The following OSGEP variants were observed in gnomAD, a reference collection of about 807,000 sequenced individuals.
OSGEP encodes the protein O-sialoglycoprotein endopeptidase.
In OSGEP, 39 loss-of-function variants were observed where a neutral mutation model predicts 44.1. That is an observed-to-expected ratio of 0.88 (90% CI 0.69 to 1.16). The LOEUF (loss-of-function observed/expected upper bound fraction) is 1.16. Ranked by LOEUF, OSGEP falls within the 50% of genes most tolerant of loss-of-function variation. The probability of loss-of-function intolerance (pLI) is 0.00; values close to 1 mark genes in which losing one functional copy is unlikely to be tolerated. For synonymous variants in OSGEP, 139 were observed against 161.9 expected, an observed-to-expected ratio of 0.86 and a Z score of 1.07; for missense variants, 403 against 443.1, an observed-to-expected ratio of 0.91 and a Z score of 0.81.
At chr14:20,447,789 G>A in intron 8 of OSGEP, 99 bp from the exon 9 acceptor site, 2 of 1,226,830 alleles carry the variant, frequency 1.6e-6, no homozygotes, top group Non-Finnish European at 2.4e-6. Context: ...ATGACATAGG[G>A]GATTAGGGGC....
intron 1 of OSGEP, 55 bp downstream of exon 1, chr14:20,454,514 G>A: frequency 8.5e-7 from 1 of 1,175,144 alleles, no homozygotes; most frequent in Non-Finnish European, 1.3e-6. Context: ...AAGATGGAAG[G>A]CTGATTCTGT....
chr14:20,452,706 A>G (rs947700395), intron 1 of OSGEP, among the ~76,000 whole-genome samples: 35 of 131,306 alleles, frequency 2.7e-4, no homozygotes, highest in African/African-American at 9.4e-4. Flanking sequence ...CCCTTTCGTG[A>G]TCTTTTTTTT....
Position 20,452,430 on chromosome 14 carries a change from G to A in OSGEP, c.134C>T (p.Thr45Ile). Reference protein sequence around the residue: ...PPGTGFLPGDTARHHRAVILD... With the variant: ...PPGTGFLPGDIARHHRAVILD... ...GATAACAGCTCGGTGATGCCTGGCT[G>A]TATCACCTGGAAGGAATCCTAGAAA... Residue 45 changes from threonine (T) to isoleucine (I), a missense_variant, in exon 2 of 11, where the codon ACA (threonine) becomes ATA (isoleucine). Transcript: ENST00000206542. 1 of 1,613,662 alleles carries A rather than the reference G, an allele frequency of 6.2e-7. No individual in the cohort carries two copies. Among genetic ancestry groups the A allele is most frequent in the Non-Finnish European group, 8.5e-7 (1 of 1,179,670 alleles).
chr14:20,450,314 T>C (rs984917148), intron 3 of OSGEP: 9 of 152,252 alleles, frequency 5.9e-5, no homozygotes, highest in African/African-American at 2.2e-4. Flanking sequence ...CCTACGAACC[T>C]TAAGAAGTCC....
At position 20,449,325 on chromosome 14, in the gene OSGEP, T is replaced by C. The variant is rs1881037290; in HGVS notation, c.412-59A>G. ...GTCTGTAAAGAGGATTATTTGGCTTTGGGAGAAAAACATAGCAGAGGATCA... is the reference window on the plus strand; with the variant it reads ...GTCTGTAAAGAGGATTATTTGGCTTCGGGAGAAAAACATAGCAGAGGATCA... On this transcript the variant is annotated intron_variant, in intron 3 of 10. Transcript: ENST00000206542. 9.3e-6 allele frequency: 10 copies of C among 1,078,836 alleles called. No homozygotes were observed. In the South Asian group the frequency reaches 1.3e-4, roughly 14 times the overall value. 66.8% of individuals were successfully genotyped at this position (1,078,836 alleles called of 1,614,324 possible). A position where few individuals can be genotyped will look rare whatever the true frequency, so the allele number is the denominator to read the frequency against.
At position 20,447,442 on chromosome 14, in the gene OSGEP, A is replaced by T; in HGVS notation, c.948T>A (p.Ser316Arg). The T allele has an allele frequency of 6.2e-7, 1 of 1,613,764 alleles. No individual in the cohort carries two copies. Residue 316 changes from serine to arginine, a missense_variant, in exon 10 of 11, where the codon AGT becomes AGA. Transcript: ENST00000206542. The part of the protein sequence containing the change: ...MFRAGHRTPL[S>R]DSGVTQRYRT... The stretch of plus-strand genomic sequence containing the variant: ...CTCACCTCTGTGTAACCCCAGAATC[A>T]CTGAGTGGGGTCCTGTGTCCAGCCC...
At position 20,448,011 on chromosome 14, in the gene OSGEP, A is replaced by T. The variant is rs1324960774; in HGVS notation, c.703-17T>A. ...CACAGTTTCCTGTCAGGGACAGATA[A>T]GGAGAAAATATTAGAGGGGCATCCC... On this transcript the variant is annotated splice_polypyrimidine_tract_variant and intron_variant, in intron 7 of 10. Transcript: ENST00000206542. 6.2e-7 allele frequency: 1 copy of T among 1,607,746 alleles called. No homozygotes were observed. The highest frequency in any genetic ancestry group is 2.2e-5 in the East Asian group (1 of 44,876).
chr14:20,451,148 T>A (rs1343526004), intron 3 of OSGEP: 1 of 155,092 alleles, frequency 6.4e-6, no homozygotes, highest in Non-Finnish European at 1.4e-5. Context: ...ATAAAATACC[T>A]TCTATAATTT....
chr14:20,453,106 GC>G (rs768350610), intron 1 of OSGEP, among the ~76,000 whole-genome samples: 9 of 152,180 alleles, frequency 5.9e-5, no homozygotes, highest in Non-Finnish European at 1.2e-4. Flanking sequence ...TCTGTGGTTT[GC>G]TCAGCTTAAT....
chr14:20,454,812 TGGGA>T (rs1881231012), upstream of OSGEP: 3 of 665,630 alleles, frequency 4.5e-6, no homozygotes, highest in Non-Finnish European at 5.2e-6. Context: ...CAGATAGCAC[TGGGA>T]AAGACACCGC....
rs553601096 is a variant in OSGEP, at chr14:20,454,406, T to C, written c.115+163A>G. On this transcript the variant is annotated intron_variant, in intron 1 of 10. Coordinates refer to ENST00000206542, the MANE Select transcript of OSGEP (RefSeq NM_017807.4). ...TGAACTCATCAGATCCACGTCCAAG[T>C]GCCTGTAACTCTTCTAGTCATCAGC... 5.4e-5 allele frequency: 38 copies of C among 705,288 alleles called. No homozygotes were observed. In the South Asian group the frequency reaches 6.0e-4, roughly 11 times the overall value. 43.7% of individuals were successfully genotyped at this position (705,288 alleles called of 1,614,324 possible).
At chr14:20,451,817 T>C (rs1026080512) in intron 3 of OSGEP, 157 bp downstream of exon 3, 2 of 558,616 alleles carry the variant, frequency 3.6e-6, no homozygotes, top group Non-Finnish European at 6.0e-6. Flanking sequence ...AAATTTGCAA[T>C]GTTACAAACT....
chr14:20,447,517 G>A lies in OSGEP; in HGVS notation c.873C>T (p.Phe291=). 6.2e-7 allele frequency: 1 copy of A among 1,613,946 alleles called. No individual in the cohort carries two copies. The highest frequency in any genetic ancestry group is 8.5e-7 in the Non-Finnish European group (1 of 1,179,844). The part of the protein sequence containing the change: ...GARLFATDER[F]CIDNGAMIAQ... Reference sequence around the variant, plus strand: ...CTATCATCGCTCCATTGTCAATACAGAATCTGGGATGCAAGAGAGATGAAA... The same window carrying A: ...CTATCATCGCTCCATTGTCAATACAAAATCTGGGATGCAAGAGAGATGAAA... Residue 291 remains phenylalanine, a synonymous_variant, in exon 10 of 11, where the codon TTC becomes TTT. Transcript: ENST00000206542.
chr14:20,453,683 A>T (rs1324886799), intron 1 of OSGEP, among the ~76,000 whole-genome samples: 1 of 152,058 alleles, frequency 6.6e-6, no homozygotes, highest in Non-Finnish European at 1.5e-5. Flanking sequence ...TGGTACTTTC[A>T]TCTAATCTTC....
chr14:20,447,172 A>G lies in OSGEP; in HGVS notation c.*68T>C. ...GCTAGGACTCCCATGACATCAGGAT[A>G]GAGATTGAGGCACGGGGTCCTTTGG... On this transcript the variant is annotated 3_prime_UTR_variant, in exon 11 of 11. Transcript: ENST00000206542. 7.7e-7 allele frequency: 1 copy of G among 1,302,072 alleles called. No individual in the cohort carries two copies. The highest frequency in any genetic ancestry group is 1.1e-6 in the Non-Finnish European group (1 of 896,146). 80.7% of individuals were successfully genotyped at this position (1,302,072 alleles called of 1,614,324 possible). A position where few individuals can be genotyped will look rare whatever the true frequency, so the allele number is the denominator to read the frequency against.
chr14:20,454,731 A>G lies in OSGEP; in HGVS notation c.-48T>C, dbSNP rs573164767. 1.4e-6 allele frequency: 2 copies of G among 1,427,876 alleles called. No individual in the cohort carries two copies. The highest frequency in any genetic ancestry group is 2.0e-6 in the Non-Finnish European group (2 of 1,014,370). The allele number at this position is 1,427,876 out of a possible 1,614,324, so 88.5% of individuals were successfully genotyped here. Reference sequence around the variant, plus strand: ...CGACAGGACTCCTGGCAATGTCAGGAGCTGTGGAGGTCCTCACTAGTCCGC... The same window carrying G: ...CGACAGGACTCCTGGCAATGTCAGGGGCTGTGGAGGTCCTCACTAGTCCGC... On this transcript the variant is annotated 5_prime_UTR_variant, in exon 1 of 11. Transcript: ENST00000206542.
chr14:20,449,149 C>T (rs771673995), intron 4 of OSGEP, 22 bp downstream of exon 4: 4 of 1,573,682 alleles, frequency 2.5e-6, no homozygotes, highest in Non-Finnish European at 3.5e-6. Flanking sequence ...ATTTTATGTT[C>T]TCTGCAGCCC....
In OSGEP at chr14:20,452,681, A is replaced by G. The variant is rs1760945; in HGVS notation, c.116-233T>C. Among the ~76,000 whole-genome samples the G allele has an allele frequency of 0.94, 141,814 of 151,414 alleles. 66,489 individuals are homozygous for G. Among genetic ancestry groups the G allele is most frequent in the African/African-American group, 0.98 (40,469 of 41,180 alleles). On this transcript the variant is annotated intron_variant, in intron 1 of 10. Transcript: ENST00000206542. Reference sequence around the variant, plus strand: ...TCAGCCTTCAGGTCTCAATGCAAGTAGTATCTACCTCATACCCTTTCGTGA... The same window carrying G: ...TCAGCCTTCAGGTCTCAATGCAAGTGGTATCTACCTCATACCCTTTCGTGA...
intron 3 of OSGEP, chr14:20,451,697 A>G (rs539835196): frequency 2.5e-4 from 78 of 309,340 alleles, no homozygotes; most frequent in African/African-American, 1.6e-3. Flanking sequence ...GAAGATTTCA[A>G]TCCTTTTCAA....
Sources: allele counts gnomAD v4.1 joint callset (sites outside exome capture counted in the v4.1 genomes callset), GRCh38; gene constraint gnomAD v4.1.1; transcripts MANE v1.5; gene names NCBI Gene and HGNC (gene_info 2026-07-23, HGNC 2026-07-21).